Variants in CDKL1 observed in about 807,000 individuals in gnomAD.
The protein encoded by CDKL1 is cyclin-dependent kinase-like 1.
CDKL1 carries 41 observed loss-of-function variants against 42.0 expected under a neutral mutation model. The ratio of observed to expected loss-of-function variants is 0.98; its 90% CI spans 0.76 to 1.27. CDKL1 has a LOEUF of 1.27. CDKL1 is among the 50% of genes most tolerant of loss of function. The pLI is 0.00. For synonymous variants in CDKL1, 153 were observed against 158.6 expected (o/e 0.96, Z 0.26); for missense variants, 394 against 428.4 (o/e 0.92, Z 0.71).
At chr14:50,353,269 A>C (rs960482847) in intron 3 of CDKL1, among the ~76,000 whole-genome samples, 2 of 152,238 alleles carry the variant, frequency 1.3e-5, no homozygotes, top group Admixed American at 6.5e-5. Context: ...ACCATATGAA[A>C]GTGAAGACAT....
At chr14:50,354,602 A>G (rs892247218) in intron 3 of CDKL1, among the ~76,000 whole-genome samples, 1 of 152,250 alleles carries the variant, frequency 6.6e-6, no homozygotes, top group Non-Finnish European at 1.5e-5. Context: ...TAAATTCTGT[A>G]TAAGACAAGG....
rs377707064 is a variant in CDKL1 at position 50,395,770 on chromosome 14, C to A, written c.99G>T (p.Lys33Asn). 1.9e-5 allele frequency: 30 copies of A among 1,613,990 alleles called. No individual in the cohort carries two copies. The highest frequency in any genetic ancestry group is 2.4e-5 in the Non-Finnish European group (28 of 1,179,824). The part of the protein sequence containing the change: ...NRDTGQIVAI[K>N]KFLESEDDPV... ...GGTCATCTTCTGATTCCAGAAACTT[C>A]TTGATGGCCACAATCTGACCCGTGT... is the stretch of plus-strand genomic sequence containing the variant. Residue 33 changes from lysine to asparagine, a missense_variant, in exon 2 of 10, where the codon AAG becomes AAT. Physicochemically the swap from Lys to Asn is moderately conservative, Grantham distance 94. Coordinates refer to ENST00000395834, the MANE Select transcript of CDKL1 (RefSeq NM_004196.7).
chr14:50,393,943 C>G (rs1485660477), intron 2 of CDKL1, among the ~76,000 whole-genome samples: 15 of 152,140 alleles, frequency 9.9e-5, no homozygotes. Context: ...TCCAATCCAA[C>G]AATGACATTT....
At chr14:50,358,380 C>T (rs1490489894) in intron 3 of CDKL1, among the ~76,000 whole-genome samples, 1 of 152,102 alleles carries the variant, frequency 6.6e-6, no homozygotes, top group African/African-American at 2.4e-5. Context: ...TGGAATCTTC[C>T]TTTCAATCTC....
chr14:50,328,851 G>A lies in CDKL1; in HGVS notation c.*1223C>T, dbSNP rs1458920040. On this transcript the variant is annotated 3_prime_UTR_variant, in exon 10 of 10. Coordinates refer to ENST00000395834, the MANE Select transcript of CDKL1 (RefSeq NM_004196.7). The stretch of plus-strand genomic sequence containing the variant: ...CCAAAAAATACAAAAAAATTAGCCA[G>A]TATAGTGGCACATGCCTGCAGTCCC... 1.3e-5 allele frequency: 2 copies of A among 151,688 alleles called. No individual in the cohort carries two copies. The highest frequency in any genetic ancestry group is 2.9e-5 in the Non-Finnish European group (2 of 67,958). 9.4% of individuals were successfully genotyped at this position (151,688 alleles called of 1,614,324 possible). A position where few individuals can be genotyped will look rare whatever the true frequency, so the allele number is the denominator to read the frequency against.
At chr14:50,360,968 C>T (rs1449673639) in intron 2 of CDKL1, among the ~76,000 whole-genome samples, 2 of 152,172 alleles carry the variant, frequency 1.3e-5, no homozygotes, top group Non-Finnish European at 2.9e-5. Flanking sequence ...GGCTTGCTTC[C>T]ACCTTTTAGC....
intron 2 of CDKL1, among the ~76,000 whole-genome samples, chr14:50,371,167 G>T (rs143850495): frequency 4.2e-4 from 64 of 152,250 alleles, no homozygotes; most frequent in African/African-American, 1.3e-3. Context: ...TGGCCACTTA[G>T]GTTAATTTTA....
chr14:50,370,038 G>A (rs1038790824), intron 2 of CDKL1, among the ~76,000 whole-genome samples: 1 of 151,092 alleles, frequency 6.6e-6, no homozygotes, highest in Non-Finnish European at 1.5e-5. Flanking sequence ...TTTTTTTGTG[G>A]TAAGAACATT....
chr14:50,342,832 C>T (rs1312082030), intron 4 of CDKL1: 4 of 1,179,950 alleles, frequency 3.4e-6, no homozygotes, highest in East Asian at 7.4e-5. Flanking sequence ...GCAACCACAG[C>T]TTGCCAAGAG....
intron 4 of CDKL1, among the ~76,000 whole-genome samples, chr14:50,343,731 C>T (rs560379628): frequency 6.6e-6 from 1 of 152,290 alleles, no homozygotes; most frequent in African/African-American, 2.4e-5. Context: ...TTTAGCATCC[C>T]AGATCTGCCC....
chr14:50,396,184 TCAA>T lies in CDKL1; in HGVS notation c.-319_-317del, dbSNP rs1478069308. 4.5e-6 allele frequency: 3 copies of T among 672,280 alleles called. No homozygotes were observed. Among genetic ancestry groups the T allele is most frequent in the African/African-American group, 6.0e-5 (1 of 16,694 alleles). The allele number at this position is 672,280 out of a possible 1,614,324, so 41.6% of individuals were successfully genotyped here. ...CCGGGCGACAGAGCGAGATTCCGTCTCAAAAAAAAAAAAAAAAAAAAAAAAAAA... is the reference window on the plus strand; with the variant it reads ...CCGGGCGACAGAGCGAGATTCCGTCTAAAAAAAAAAAAAAAAAAAAAAAAA... On this transcript the variant is annotated 5_prime_UTR_variant, in exon 2 of 10. Transcript: ENST00000395834.
At chr14:50,342,280 T>C (rs2033572914) in intron 4 of CDKL1, 58 bp from the exon 5 acceptor site, 2 of 1,535,616 alleles carry the variant, frequency 1.3e-6, no homozygotes, top group Non-Finnish European at 1.8e-6. Flanking sequence ...ATGGGATAAA[T>C]GAAACACATG....
At chr14:50,362,681 A>G (rs1286436709) in intron 2 of CDKL1, among the ~76,000 whole-genome samples, 1 of 152,282 alleles carries the variant, frequency 6.6e-6, no homozygotes, top group East Asian at 1.9e-4. Flanking sequence ...CACACTCTGT[A>G]TCTGGCTAAT....
At chr14:50,381,322 T>C (rs1373770835) in intron 2 of CDKL1, among the ~76,000 whole-genome samples, 1 of 152,190 alleles carries the variant, frequency 6.6e-6, no homozygotes, top group East Asian at 1.9e-4. Flanking sequence ...GTGAGCTGGA[T>C]AATAGAGATA....
At chr14:50,340,454 G>T (rs371796009) in intron 6 of CDKL1, among the ~76,000 whole-genome samples, 1 of 151,576 alleles carries the variant, frequency 6.6e-6, no homozygotes, top group South Asian at 2.1e-4. Context: ...CTACTGATGG[G>T]TTTTTTTTTC....
At position 50,341,145 on chromosome 14, in the gene CDKL1, G is replaced by C; in HGVS notation, c.542C>G (p.Pro181Arg). ...GCCAATTGCCCAAACATCCACCGGG[G>C]GGCCGTACTGCGTGTCCCCCACCAG... is the stretch of plus-strand genomic sequence containing the variant. Reference protein sequence around the residue: ...ELLVGDTQYGPPVDVWAIGCV... With the variant: ...ELLVGDTQYGRPVDVWAIGCV... Residue 181 changes from proline to arginine, a missense_variant, in exon 6 of 10, where the codon CCC becomes CGC. Coordinates refer to ENST00000395834, the MANE Select transcript of CDKL1 (RefSeq NM_004196.7). The C allele has an allele frequency of 6.2e-7, 1 of 1,614,154 alleles. No individual in the cohort carries two copies. Among genetic ancestry groups the C allele is most frequent in the South Asian group, 1.1e-5 (1 of 91,082 alleles).
intron 2 of CDKL1, among the ~76,000 whole-genome samples, chr14:50,374,379 A>T (rs779782830): frequency 1.1e-4 from 17 of 152,294 alleles, no homozygotes; most frequent in Non-Finnish European, 2.5e-4. Flanking sequence ...CAAAATGCAT[A>T]GAACTTTACG....
At chr14:50,332,465 C>T (rs745577248) in intron 8 of CDKL1, 33 bp from the exon 9 acceptor site, 1 of 1,569,680 alleles carries the variant, frequency 6.4e-7, no homozygotes, top group South Asian at 1.2e-5. Context: ...CTTCTTACTT[C>T]TTCAAAATTG....
chr14:50,395,628 C>T lies in CDKL1; in HGVS notation c.168+73G>A, dbSNP rs555343661. 31 of 1,027,668 alleles carry T rather than the reference C, an allele frequency of 3.0e-5. 1 individual carries two copies. In the Middle Eastern group the frequency reaches 7.3e-4, roughly 24 times the overall value. 63.7% of individuals were successfully genotyped at this position (1,027,668 alleles called of 1,614,324 possible). A position where few individuals can be genotyped will look rare whatever the true frequency, so the allele number is the denominator to read the frequency against. The stretch of plus-strand genomic sequence containing the variant: ...GCTGCTGTGAGCTATGATCACATGG[C>T]TGCACTCCAGCCTGGGAGACAGAGT... On this transcript the variant is annotated intron_variant, in intron 2 of 9. Transcript: ENST00000395834.
Sources: allele counts gnomAD v4.1 joint callset (sites outside exome capture counted in the v4.1 genomes callset), GRCh38; gene constraint gnomAD v4.1.1; transcripts MANE v1.5; gene names NCBI Gene and HGNC (gene_info 2026-07-23, HGNC 2026-07-21).